The following WASF1 variants were observed in gnomAD, a reference collection of about 807,000 sequenced individuals.
WASF1 encodes the protein WASP family member 1, also known as actin-binding protein WASF1.
A neutral mutation model predicts 50.5 loss-of-function variants in WASF1; 7 were observed. The ratio of observed to expected loss-of-function variants is 0.14; its 90% confidence interval spans 0.08 to 0.26. The LOEUF (loss-of-function observed/expected upper bound fraction) is 0.26. WASF1 is among the 10% of genes least tolerant of loss of function. The probability of loss-of-function intolerance (pLI) is 1.00; values close to 1 mark genes in which losing one functional copy is unlikely to be tolerated. For missense variants in WASF1, 470 were observed against 694.7 expected (o/e 0.68, Z 3.64); for synonymous variants, 205 against 244.0 (o/e 0.84, Z 1.49).
chr6:110,111,854 T>C (rs2114473044), intron 5 of WASF1, among the ~76,000 whole-genome samples: 1 of 152,262 alleles, frequency 6.6e-6, no homozygotes, highest in African/African-American at 2.4e-5. Flanking sequence ...TTGATTGTGG[T>C]GACGGTTGCA....
At chr6:110,126,565 A>G (rs1433713021) in intron 4 of WASF1, among the ~76,000 whole-genome samples, 2 of 152,336 alleles carry the variant, frequency 1.3e-5, no homozygotes, top group African/African-American at 4.8e-5. Context: ...AAAGGAAAAG[A>G]AAAGAAAAGC....
At chr6:110,179,042 G>T (rs1295243680) in intron 1 of WASF1, among the ~76,000 whole-genome samples, 4 of 152,266 alleles carry the variant, frequency 2.6e-5, no homozygotes, top group Non-Finnish European at 5.9e-5. Flanking sequence ...CACGTAGGGC[G>T]AGCAGGGGAT....
intron 3 of WASF1, among the ~76,000 whole-genome samples, chr6:110,141,235 G>A (rs1192413247): frequency 6.6e-6 from 1 of 151,518 alleles, no homozygotes; most frequent in Non-Finnish European, 1.5e-5. Flanking sequence ...AATATACAAG[G>A]TTCTTCAGGA....
At chr6:110,161,446 G>A (rs1345274297) in intron 2 of WASF1, among the ~76,000 whole-genome samples, 6 of 151,462 alleles carry the variant, frequency 4.0e-5, no homozygotes, top group Admixed American at 4.0e-4. Flanking sequence ...CCCCGAATAA[G>A]CTTATTATAC....
chr6:110,108,188 G>T (rs1773411322), intron 6 of WASF1, among the ~76,000 whole-genome samples: 2 of 144,174 alleles, frequency 1.4e-5, no homozygotes, highest in Non-Finnish European at 1.5e-5. Flanking sequence ...CAAAAATTAT[G>T]TTTATTTTGT....
rs376340785 is a variant in WASF1, at chr6:110,145,239, G to C, written c.-29+15396C>G. Among the ~76,000 whole-genome samples the C allele has an allele frequency of 9.2e-5, 14 of 152,216 alleles. 1 individual carries two copies. Among genetic ancestry groups the C allele is most frequent in the East Asian group, 3.9e-4 (2 of 5,174 alleles). On this transcript the variant is annotated intron_variant, in intron 3 of 10. Coordinates refer to ENST00000392589, the MANE Select transcript of WASF1 (RefSeq NM_003931.3). ...TGAAGCAATTGTGAATGGGAGTTCA[G>C]TCATGATTTGGCTCTCTGTTTGTCT...
At chr6:110,145,100 G>C (rs1180012409) in intron 3 of WASF1, among the ~76,000 whole-genome samples, 2 of 152,172 alleles carry the variant, frequency 1.3e-5, no homozygotes, top group African/African-American at 4.8e-5. Flanking sequence ...AGCATGGAAT[G>C]TTCTTCCATT....
chr6:110,159,604 G>T (rs554696637), intron 3 of WASF1, among the ~76,000 whole-genome samples: 1 of 151,996 alleles, frequency 6.6e-6, no homozygotes, highest in South Asian at 2.1e-4. Flanking sequence ...CTATTCATGA[G>T]ACACAGTTAG....
chr6:110,147,966 C>CA (rs1226067711), intron 3 of WASF1, among the ~76,000 whole-genome samples: 1 of 152,102 alleles, frequency 6.6e-6, no homozygotes, highest in Non-Finnish European at 1.5e-5. Context: ...GGGCTGGCCT[C>CA]AAACTCCTGG....
intron 3 of WASF1, among the ~76,000 whole-genome samples, chr6:110,152,419 A>G (rs562953232): frequency 2.1e-4 from 32 of 152,314 alleles, no homozygotes; most frequent in Admixed American, 1.8e-3. Flanking sequence ...ATTATTTCAT[A>G]TATGTCTGTA....
intron 9 of WASF1, 84 bp from the exon 10 acceptor site, chr6:110,102,300 A>G: frequency 7.8e-7 from 1 of 1,276,846 alleles, no homozygotes; most frequent in Non-Finnish European, 1.0e-6. Context: ...ATAAATGACT[A>G]TCAGTAATTA....
chr6:110,175,839 G>A (rs1485938846), intron 2 of WASF1, among the ~76,000 whole-genome samples: 1 of 151,810 alleles, frequency 6.6e-6, no homozygotes, highest in East Asian at 1.9e-4. Context: ...AGCATTTCAG[G>A]GTACATCTGA....
chr6:110,144,834 C>A (rs1024027592), intron 3 of WASF1, among the ~76,000 whole-genome samples: 37 of 152,154 alleles, frequency 2.4e-4, no homozygotes, highest in Non-Finnish European at 3.7e-4. Flanking sequence ...GTTTTGGTAC[C>A]AGTACCATGC....
chr6:110,142,850 G>A (rs997808051), intron 3 of WASF1, among the ~76,000 whole-genome samples: 1 of 150,300 alleles, frequency 6.7e-6, no homozygotes, highest in Non-Finnish European at 1.5e-5. Context: ...ATTAAAAAGG[G>A]CTAAATTATA....
intron 3 of WASF1, among the ~76,000 whole-genome samples, chr6:110,129,068 T>C (rs1774544801): frequency 6.6e-6 from 1 of 152,002 alleles, no homozygotes; most frequent in Non-Finnish European, 1.5e-5. Flanking sequence ...ACTGCTGCTC[T>C]AGTCTACAAA....
At chr6:110,121,124 T>C (rs568093068) in intron 4 of WASF1, among the ~76,000 whole-genome samples, 1 of 152,176 alleles carries the variant, frequency 6.6e-6, no homozygotes, top group South Asian at 2.1e-4. Flanking sequence ...GACATAGGCA[T>C]GGGCAAACAC....
chr6:110,114,748 G>A (rs1441867359), intron 4 of WASF1, among the ~76,000 whole-genome samples: 1 of 150,944 alleles, frequency 6.6e-6, no homozygotes, highest in Non-Finnish European at 1.5e-5. Flanking sequence ...GGCAGCAGAT[G>A]AGTTCCCAGA....
intron 3 of WASF1, among the ~76,000 whole-genome samples, chr6:110,135,718 TATC>T (rs1320369447): frequency 4.2e-5 from 6 of 142,334 alleles, no homozygotes; most frequent in Non-Finnish European, 6.1e-5. Flanking sequence ...ATAGGAAGAT[TATC>T]TTTTTTTTTT....
intron 5 of WASF1, among the ~76,000 whole-genome samples, chr6:110,112,134 T>C (rs948683589): frequency 1.3e-5 from 2 of 151,788 alleles, no homozygotes; most frequent in Non-Finnish European, 1.5e-5. Context: ...ATTATATTTT[T>C]GTTCTTTCCA....
Sources: allele counts gnomAD v4.1 joint callset (sites outside exome capture counted in the v4.1 genomes callset), GRCh38; gene constraint gnomAD v4.1.1; transcripts MANE v1.5; gene names NCBI Gene and HGNC (gene_info 2026-07-23, HGNC 2026-07-21).